Variants in EPHB3 observed in about 807,000 individuals in gnomAD.
EPHB3 encodes ephrin type-B receptor 3.
In EPHB3, 33 loss-of-function variants were observed where a neutral mutation model predicts 100.2. The ratio of observed to expected loss-of-function variants is 0.33; its 90% CI spans 0.25 to 0.44. The LOEUF is 0.44. Ranked by LOEUF, EPHB3 falls within the 20% of genes least tolerant of loss-of-function variation. The pLI, the probability that EPHB3 is intolerant of heterozygous loss-of-function variation, is 1.00. For synonymous variants in EPHB3, 526 were observed against 554.7 expected (o/e 0.95, Z 0.73); for missense variants, 1,045 against 1,378.3 (o/e 0.76, Z 3.83).
At chr3:184,574,478 C>G (rs933201328) in intron 3 of EPHB3, among the ~76,000 whole-genome samples, 4 of 152,210 alleles carry the variant, frequency 2.6e-5, no homozygotes, top group Admixed American at 6.5e-5. Flanking sequence ...CTCCTGTGCT[C>G]TGCCATGCAG....
intron 4 of EPHB3, 28 bp downstream of exon 4, chr3:184,576,013 C>G (rs1296392185): frequency 1.3e-6 from 2 of 1,577,628 alleles, no homozygotes; most frequent in East Asian, 4.7e-5. Flanking sequence ...CTCTCTTTCC[C>G]TCTGCAGGCC....
chr3:184,570,918 T>TG lies in EPHB3; in HGVS notation c.119-394dup, dbSNP rs201778593. 4.0e-5 allele frequency among the ~76,000 whole-genome samples: 6 copies of TG among 151,144 alleles called. No individual in the cohort carries two copies. The South Asian group carries it at 1.3e-3, about 32-fold the overall frequency. On this transcript the variant is annotated intron_variant, in intron 1 of 15. Coordinates refer to ENST00000330394, the MANE Select transcript of EPHB3 (RefSeq NM_004443.4). ...TTCAGGACTTGTGGAAAGTGGAGCC[T>TG]GGGGGGAATCCTTTCCTGAGCCATC...
rs746108083 is a variant in EPHB3, at chr3:184,580,464, C to T, written c.2235C>T (p.Gly745=). The T allele has an allele frequency of 1.5e-5, 24 of 1,614,196 alleles. No homozygotes were observed. In the South Asian group the frequency reaches 2.2e-4, roughly 15 times the overall value. Residue 745 remains glycine (G), a synonymous_variant, in exon 12 of 16, where the codon GGC becomes GGT. Coordinates refer to ENST00000330394, the MANE Select transcript of EPHB3 (RefSeq NM_004443.4). ...LVGMLRGIAA[G]MKYLSEMNYV... is the part of the protein sequence containing the mutation. The stretch of plus-strand genomic sequence containing the variant: ...GCATGTTGCGGGGCATTGCTGCCGG[C>T]ATGAAGTACCTGTCCGAGATGAACT...
rs148754015 is a variant in EPHB3, at chr3:184,579,592, C to T, written c.1917C>T (p.Ile639=). The part of the protein sequence containing the change: ...DVSCVKIEEV[I]GAGEFGEVCR... ...CCTGCGTCAAGATCGAGGAGGTGAT[C>T]GGAGCTGGTGAGTCTCCCGGGGCAC... is the stretch of plus-strand genomic sequence containing the variant. Residue 639 remains isoleucine, a synonymous_variant, in exon 10 of 16, where the codon ATC becomes ATT. Coordinates refer to ENST00000330394, the MANE Select transcript of EPHB3 (RefSeq NM_004443.4). This position sits in a 1 kb window ranked among gnomAD's most constrained non-coding sequence, Gnocchi z 5.2. The T allele has an allele frequency of 3.8e-5, 61 of 1,613,794 alleles. No individual in the cohort carries two copies. The highest frequency in any genetic ancestry group is 9.9e-5 in the South Asian group (9 of 91,050).
intron 1 of EPHB3, among the ~76,000 whole-genome samples, chr3:184,568,668 C>T (rs1014098212): frequency 6.6e-6 from 1 of 151,990 alleles, no homozygotes; most frequent in Non-Finnish European, 1.5e-5. Flanking sequence ...GGCCTTGCCC[C>T]GTCCTCTGTG....
At position 184,563,397 on chromosome 3, in the gene EPHB3, T is replaced by A. The variant is rs1257381467; in HGVS notation, c.118+1044T>A. Among the ~76,000 whole-genome samples the A allele has an allele frequency of 6.6e-6, 1 of 152,234 alleles. No individual in the cohort carries two copies. Among genetic ancestry groups the A allele is most frequent in the Admixed American group, 6.5e-5 (1 of 15,288 alleles). ...AAGGCAGTACTTATTTGGGGTATCT[T>A]TAACAGATCTAGTTACTTTCTTAGT... On this transcript the variant is annotated intron_variant, in intron 1 of 15. Coordinates refer to ENST00000330394, the MANE Select transcript of EPHB3 (RefSeq NM_004443.4). This position sits in a 1 kb window ranked among gnomAD's most constrained non-coding sequence, Gnocchi z 4.1.
At chr3:184,570,945 C>T in intron 1 of EPHB3, among the ~76,000 whole-genome samples, 1 of 149,856 alleles carries the variant, frequency 6.7e-6, no homozygotes, top group South Asian at 2.1e-4. Context: ...TGAGCCATCT[C>T]TTCTTTCTTT....
intron 11 of EPHB3, 109 bp downstream of exon 11, chr3:184,580,043 A>C (rs1359480889): frequency 6.7e-7 from 1 of 1,499,858 alleles, no homozygotes; most frequent in Non-Finnish European, 8.9e-7. Context: ...GCATTTACTG[A>C]GGTGGCTTGG....
chr3:184,571,521 C>A lies in EPHB3; in HGVS notation c.183+139C>A. 3.7e-6 allele frequency: 3 copies of A among 821,452 alleles called. No homozygotes were observed. Among genetic ancestry groups the A allele is most frequent in the Non-Finnish European group, 6.0e-6 (3 of 495,880 alleles). 50.9% of individuals were successfully genotyped at this position (821,452 alleles called of 1,614,324 possible). On this transcript the variant is annotated intron_variant, in intron 2 of 15. Coordinates refer to ENST00000330394, the MANE Select transcript of EPHB3 (RefSeq NM_004443.4). The surrounding 1 kb of genome is among the most constrained non-coding windows in gnomAD (Gnocchi z 5.0). Reference sequence around the variant, plus strand: ...CTGCCTGTCACCCTCACTTCCTGTGCCATCCCCATCATCCTCACTTGTGAC... The same window carrying A: ...CTGCCTGTCACCCTCACTTCCTGTGACATCCCCATCATCCTCACTTGTGAC...
Position 184,576,981 on chromosome 3 carries a change from AG to A in EPHB3, c.1156del (p.Ala386ProfsTer20). The A allele has an allele frequency of 1.2e-6, 2 of 1,613,384 alleles. No homozygotes were observed. Among genetic ancestry groups the A allele is most frequent in the Non-Finnish European group, 1.7e-6 (2 of 1,179,608 alleles). On this transcript the variant is annotated frameshift_variant, in exon 5 of 16. Coordinates refer to ENST00000330394, the MANE Select transcript of EPHB3 (RefSeq NM_004443.4). LOFTEE classifies it high-confidence loss of function. Reference sequence around the variant, plus strand: ...TCTGCAAGAAGTGCCATGGGGCTGGAGGGGCCTCAGCCTGCTCACGCTGTGA... The same window carrying A: ...TCTGCAAGAAGTGCCATGGGGCTGGAGGGCCTCAGCCTGCTCACGCTGTGA... ...VICKKCHGAG[G>X]ASACSRCDDN...
rs758915592 is a variant in EPHB3, at chr3:184,575,997, C to T, written c.1012+12C>T. On this transcript the variant is annotated intron_variant, in intron 4 of 15. Transcript: ENST00000330394. ...CAGTGCCTGTACCAGTGAGTGAACG[C>T]GTGACCTCTCTTTCCCTCTGCAGGC... 58 of 1,600,172 alleles carry T rather than the reference C, an allele frequency of 3.6e-5. No individual in the cohort carries two copies. In the Middle Eastern group the frequency reaches 2.8e-3, roughly 78 times the overall value.
At chr3:184,566,199 G>A (rs756495890) in intron 1 of EPHB3, among the ~76,000 whole-genome samples, 19 of 152,304 alleles carry the variant, frequency 1.2e-4, no homozygotes, top group Non-Finnish European at 2.4e-4. Context: ...AAGGGCTCAG[G>A]TTAAGGGCTA....
rs546107739 is a variant in EPHB3 at position 184,562,703 on chromosome 3, AC to A, written c.118+356del. 1.4e-5 allele frequency among the ~76,000 whole-genome samples: 2 copies of A among 147,154 alleles called. No individual in the cohort carries two copies. Among genetic ancestry groups the A allele is most frequent in the East Asian group, 4.1e-4 (2 of 4,850 alleles). On this transcript the variant is annotated intron_variant, in intron 1 of 15. Coordinates refer to ENST00000330394, the MANE Select transcript of EPHB3 (RefSeq NM_004443.4). The surrounding 1 kb of genome is among the most constrained non-coding windows in gnomAD (Gnocchi z 4.8). ...CCCCGAAGTCGAGGACGTGTGGGCGACCCCCCAGGCAAGGCGAGGGCCGCGG... is the reference window on the plus strand; with the variant it reads ...CCCCGAAGTCGAGGACGTGTGGGCGACCCCCAGGCAAGGCGAGGGCCGCGG...
chr3:184,576,875 A>G lies in EPHB3; in HGVS notation c.1046A>G (p.Asn349Ser), dbSNP rs1400999427. ...TCTCCACCCCGAGGTGTGATCTCCA[A>G]TGTGAATGAAACCTCACTGATCCTC... The part of the protein sequence containing the change: ...VPSPPRGVIS[N>S]VNETSLILEW... Residue 349 changes from asparagine (N) to serine (S), a missense_variant, in exon 5 of 16, where the codon AAT becomes AGT. Physicochemically the swap from Asn to Ser is conservative, Grantham distance 46. Around this residue, in one of 2 missense-constraint regions of EPHB3, gnomAD observed 985 missense variants for 1,331.1 expected, o/e 0.74. Transcript: ENST00000330394. 1 of 1,558,614 alleles carries G rather than the reference A, an allele frequency of 6.4e-7. No individual in the cohort carries two copies. Among genetic ancestry groups the G allele is most frequent in the East Asian group, 2.3e-5 (1 of 44,294 alleles).
chr3:184,575,105 A>G, intron 3 of EPHB3: 1 of 977,272 alleles, frequency 1.0e-6, no homozygotes, highest in Non-Finnish European at 1.2e-6. Context: ...TAAGGCTACC[A>G]TCAATCCACA....
chr3:184,581,294 C>A lies in EPHB3; in HGVS notation c.2774C>A (p.Thr925Lys). ...CTGGACCGCACGGTCCCAGATTACACAACCTTCACGACAGTTGGTGATTGG... is the reference window on the plus strand; with the variant it reads ...CTGGACCGCACGGTCCCAGATTACAAAACCTTCACGACAGTTGGTGATTGG... ...PLLDRTVPDY[T>K]TFTTVGDWLD... is the part of the protein sequence containing the mutation. Residue 925 changes from threonine (T) to lysine (K), a missense_variant, in exon 15 of 16, where the codon ACA becomes AAA. Transcript: ENST00000330394. The A allele has an allele frequency of 6.2e-7, 1 of 1,606,146 alleles. No homozygotes were observed. Among genetic ancestry groups the A allele is most frequent in the South Asian group, 1.1e-5 (1 of 89,356 alleles).
chr3:184,577,852 C>A lies in EPHB3; in HGVS notation c.1639+35C>A, dbSNP rs757998155. On this transcript the variant is annotated intron_variant, in intron 7 of 15. Transcript: ENST00000330394. This position sits in a 1 kb window ranked among gnomAD's most constrained non-coding sequence, Gnocchi z 4.9. ...CCCCTGCGCCTGTCCCCATCGCGGC[C>A]CTCACTCTCTGTCCCTCCACTCAGC... 1 of 1,606,270 alleles carries A rather than the reference C, an allele frequency of 6.2e-7. No individual in the cohort carries two copies.
intron 3 of EPHB3, chr3:184,575,190 T>C (rs1714641098): frequency 1.0e-6 from 1 of 985,284 alleles, no homozygotes; most frequent in Non-Finnish European, 1.2e-6. Context: ...GGCCCTGGGC[T>C]TGCTCTGGGG....
rs753068697 is a variant in EPHB3, at chr3:184,577,832, G to C, written c.1639+15G>C. On this transcript the variant is annotated intron_variant, in intron 7 of 15. Coordinates refer to ENST00000330394, the MANE Select transcript of EPHB3 (RefSeq NM_004443.4). The surrounding 1 kb of genome is among the most constrained non-coding windows in gnomAD (Gnocchi z 4.9). ...AAGTGAGAGAGGTTAGTAGCCCCCTGCGCCTGTCCCCATCGCGGCCCTCAC... is the reference window on the plus strand; with the variant it reads ...AAGTGAGAGAGGTTAGTAGCCCCCTCCGCCTGTCCCCATCGCGGCCCTCAC... 9 of 1,605,736 alleles carry C rather than the reference G, an allele frequency of 5.6e-6. No homozygotes were observed. In the East Asian group the frequency reaches 2.0e-4, roughly 36 times the overall value.
Sources: allele counts gnomAD v4.1 joint callset (sites outside exome capture counted in the v4.1 genomes callset), GRCh38; gene constraint gnomAD v4.1.1; regional missense constraint gnomAD v4.1.1; non-coding constraint Gnocchi (gnomAD v3.1); transcripts MANE v1.5; gene names NCBI Gene and HGNC (gene_info 2026-07-23, HGNC 2026-07-21).